Variants in HS3ST4 observed in about 807,000 individuals in gnomAD.
HS3ST4 encodes heparan sulfate-glucosamine 3-sulfotransferase 4.
A neutral mutation model predicts 29.2 loss-of-function variants in HS3ST4; 17 were observed. That is an observed-to-expected ratio of 0.58 (90% CI 0.40 to 0.87). HS3ST4 has a LOEUF of 0.87. Among genes scored for constraint, HS3ST4 ranks in the 40% least tolerant of loss-of-function variants. HS3ST4 has a pLI of 0.00. For missense variants in HS3ST4, 627 were observed against 634.5 expected (o/e 0.99, Z 0.13); for synonymous variants, 314 against 285.7 (o/e 1.10, Z -1.00).
intron 1 of HS3ST4, among the ~76,000 whole-genome samples, chr16:25,961,101 A>G (rs1968789134): frequency 6.6e-6 from 1 of 152,174 alleles, no homozygotes. Flanking sequence ...ACAGTTTAAT[A>G]TATCTTCCAT....
chr16:25,801,302 G>A (rs117882122), intron 1 of HS3ST4, among the ~76,000 whole-genome samples: 1 of 152,096 alleles, frequency 6.6e-6, no homozygotes, highest in Admixed American at 6.6e-5. Flanking sequence ...CATTGTGTTG[G>A]TGTACCCTAA....
chr16:25,697,407 A>G (rs78996765), intron 1 of HS3ST4, among the ~76,000 whole-genome samples: 1,683 of 152,362 alleles, frequency 0.011, 36 homozygotes, highest in African/African-American at 0.038. Flanking sequence ...AATGTGCTGT[A>G]AGTGTAAGAT....
intron 1 of HS3ST4, among the ~76,000 whole-genome samples, chr16:26,013,683 T>G (rs8051109): frequency 0.1 from 15,949 of 152,146 alleles, 1,786 homozygotes; most frequent in African/African-American, 0.27. Flanking sequence ...TGCTTCCTTC[T>G]CAGAGAGATG....
intron 1 of HS3ST4, among the ~76,000 whole-genome samples, chr16:26,012,132 T>G (rs780337773): frequency 1.3e-5 from 2 of 152,162 alleles, no homozygotes; most frequent in African/African-American, 2.4e-5. Flanking sequence ...TGTGCCTCAG[T>G]AGATAAGTCA....
At chr16:25,907,085 G>T (rs1052497582) in intron 1 of HS3ST4, among the ~76,000 whole-genome samples, 3 of 152,082 alleles carry the variant, frequency 2.0e-5, no homozygotes, top group African/African-American at 4.8e-5. Context: ...TAGTCCTAGC[G>T]ACTAGAGAGG....
intron 1 of HS3ST4, chr16:25,886,732 G>C (rs1967957807): frequency 6.6e-6 from 1 of 152,218 alleles, no homozygotes; most frequent in South Asian, 2.1e-4. Flanking sequence ...ACTGCAAGTA[G>C]TTCATTCAGC....
intron 1 of HS3ST4, among the ~76,000 whole-genome samples, chr16:25,869,340 G>A (rs1967726212): frequency 6.6e-6 from 1 of 152,136 alleles, no homozygotes; most frequent in African/African-American, 2.4e-5. Context: ...CTTTCCCCAT[G>A]TAGGGAGTGG....
chr16:25,770,477 T>G (rs1480444142), intron 1 of HS3ST4, among the ~76,000 whole-genome samples: 1 of 152,172 alleles, frequency 6.6e-6, no homozygotes, highest in Non-Finnish European at 1.5e-5. Context: ...AGGCAACCTC[T>G]CTCAGGCCAC....
chr16:26,095,617 G>C (rs892554237), intron 1 of HS3ST4, among the ~76,000 whole-genome samples: 2 of 152,224 alleles, frequency 1.3e-5, no homozygotes, highest in Admixed American at 6.5e-5. Flanking sequence ...ATTTAAAGCA[G>C]TATGTAGAGG....
intron 1 of HS3ST4, chr16:25,887,039 T>A (rs935103130): frequency 1.3e-5 from 2 of 152,214 alleles, no homozygotes; most frequent in Non-Finnish European, 2.9e-5. Flanking sequence ...TCTAGGATTT[T>A]GTTTTGCTTC....
At chr16:25,929,627 CTG>C (rs1428272486) in intron 1 of HS3ST4, among the ~76,000 whole-genome samples, 13 of 152,122 alleles carry the variant, frequency 8.5e-5, no homozygotes, top group Non-Finnish European at 1.8e-4. Context: ...GGGCTCTACT[CTG>C]TGGACGCATT....
chr16:25,692,877 A>C lies in HS3ST4; in HGVS notation c.460A>C (p.Ser154Arg), dbSNP rs750117226. 3.2e-6 allele frequency: 5 copies of C among 1,544,726 alleles called. 1 individual carries two copies. The South Asian group carries it at 6.0e-5, about 18-fold the overall frequency. ...LAPSEMITAQ[S>R]ALPEREAQES... ...CCCCAGCGAGATGATCACGGCTCAGAGCGCGCTGCCGGAGAGGGAAGCGCA... is the reference window on the plus strand; with the variant it reads ...CCCCAGCGAGATGATCACGGCTCAGCGCGCGCTGCCGGAGAGGGAAGCGCA... Residue 154 changes from serine (S) to arginine (R), a missense_variant, in exon 1 of 2, where the codon AGC (serine) becomes CGC (arginine). Ser to Arg is a moderately radical substitution (Grantham distance 110, BLOSUM62 -1). Transcript: ENST00000331351.
At chr16:25,905,297 GA>G (rs1968168001) in intron 1 of HS3ST4, among the ~76,000 whole-genome samples, 3 of 152,160 alleles carry the variant, frequency 2.0e-5, no homozygotes, top group South Asian at 4.2e-4. Flanking sequence ...CAGGGTGGAG[GA>G]AAAAATAAAG....
chr16:26,116,422 G>T (rs1181790387), intron 1 of HS3ST4, among the ~76,000 whole-genome samples: 1 of 152,200 alleles, frequency 6.6e-6, no homozygotes, highest in Non-Finnish European at 1.5e-5. Context: ...AGAAGGTTAT[G>T]CAAGGACATA....
intron 1 of HS3ST4, among the ~76,000 whole-genome samples, chr16:25,773,923 T>C (rs1966845182): frequency 6.6e-6 from 1 of 152,132 alleles, no homozygotes; most frequent in Non-Finnish European, 1.5e-5. Flanking sequence ...CCCTAAACCC[T>C]TGATGAATCT....
chr16:26,118,393 A>T (rs1383922738), intron 1 of HS3ST4, among the ~76,000 whole-genome samples: 3 of 152,096 alleles, frequency 2.0e-5, no homozygotes, highest in Non-Finnish European at 2.9e-5. Context: ...TGGCCTAGAG[A>T]TGACTTTTAA....
At chr16:25,792,773 T>C (rs1416915612) in intron 1 of HS3ST4, among the ~76,000 whole-genome samples, 1 of 151,858 alleles carries the variant, frequency 6.6e-6, no homozygotes, top group African/African-American at 2.4e-5. Context: ...AGCCAACTTT[T>C]ACTTCTTTGA....
intron 1 of HS3ST4, among the ~76,000 whole-genome samples, chr16:26,117,510 C>T (rs1250993659): frequency 6.6e-6 from 1 of 152,234 alleles, no homozygotes; most frequent in African/African-American, 2.4e-5. Context: ...TGGAGACAGG[C>T]TATTCCATGT....
intron 1 of HS3ST4, among the ~76,000 whole-genome samples, chr16:25,743,404 G>A (rs1012389340): frequency 2.0e-5 from 3 of 152,166 alleles, no homozygotes; most frequent in African/African-American, 7.2e-5. Context: ...AAAATGTTAG[G>A]TATTTATTTT....
Sources: gnomAD v4.1 joint callset for allele counts (sites outside exome capture counted in the v4.1 genomes callset) on GRCh38, gnomAD v4.1.1 for gene constraint, MANE v1.5 for transcripts, NCBI Gene and HGNC (gene_info 2026-07-23, HGNC 2026-07-21) for gene names.